Variants in DACH1 observed in about 807,000 individuals in gnomAD.
DACH1 encodes dachshund homolog 1.
Under a neutral mutation model 54.2 loss-of-function variants are expected in DACH1, and 12 were observed. The ratio of observed to expected loss-of-function variants is 0.22; its 90% CI spans 0.14 to 0.36. The LOEUF is 0.36. Among genes scored for constraint, DACH1 ranks in the 10% least tolerant of loss-of-function variants. The pLI is 1.00. For synonymous variants in DACH1, 386 were observed against 366.2 expected (o/e 1.05, Z -0.62); for missense variants, 805 against 929.8 (o/e 0.87, Z 1.75).
chr13:71,579,816 A>T (rs185922545), intron 3 of DACH1, among the ~76,000 whole-genome samples: 291 of 152,294 alleles, frequency 1.9e-3, no homozygotes, highest in South Asian at 4.6e-3. Flanking sequence ...CTATATCAGA[A>T]AACACTGGTT....
intron 2 of DACH1, among the ~76,000 whole-genome samples, chr13:71,630,919 T>C (rs928431997): frequency 3.3e-5 from 5 of 152,032 alleles, no homozygotes; most frequent in Admixed American, 1.3e-4. Flanking sequence ...CAGTCCAAAA[T>C]TAAATATTAA....
rs572290707 is a variant in DACH1 at position 71,856,536 on chromosome 13, T to C, written c.848+9386A>G. Among the ~76,000 whole-genome samples the C allele has an allele frequency of 9.9e-5, 15 of 152,120 alleles. No individual in the cohort carries two copies. In the South Asian group the frequency reaches 3.1e-3, roughly 31 times the overall value. On this transcript the variant is annotated intron_variant, in intron 1 of 10. Coordinates refer to ENST00000613252, the MANE Select transcript of DACH1 (RefSeq NM_080759.6). ...CTACCAGAAGATGCAAAAAGTAATG[T>C]GAAATACTTGTATTTATGTAAATAT... is the stretch of plus-strand genomic sequence containing the variant.
intron 2 of DACH1, among the ~76,000 whole-genome samples, chr13:71,665,119 A>G: frequency 6.6e-6 from 1 of 152,010 alleles, no homozygotes; most frequent in East Asian, 1.9e-4. Context: ...TAACACTACA[A>G]TGTGTTGAAC....
intron 10 of DACH1, among the ~76,000 whole-genome samples, chr13:71,452,636 C>A (rs915003961): frequency 2.0e-5 from 3 of 152,088 alleles, no homozygotes; most frequent in Non-Finnish European, 4.4e-5. Context: ...GAAGTTTATT[C>A]AAGTATTAGG....
chr13:71,585,302 A>T (rs1314980647), intron 3 of DACH1, among the ~76,000 whole-genome samples: 3 of 152,212 alleles, frequency 2.0e-5, no homozygotes, highest in Non-Finnish European at 4.4e-5. Flanking sequence ...ACATGTAAGC[A>T]TGTGTGTTGG....
intron 1 of DACH1, among the ~76,000 whole-genome samples, chr13:71,783,977 AAAAC>A (rs1432461811): frequency 1.3e-5 from 2 of 150,948 alleles, no homozygotes; most frequent in East Asian, 1.9e-4. Context: ...AAAAAAAAAA[AAAAC>A]AAAAAAAAAA....
chr13:71,722,755 T>C (rs1481207158), intron 1 of DACH1, among the ~76,000 whole-genome samples: 1 of 152,104 alleles, frequency 6.6e-6, no homozygotes, highest in African/African-American at 2.4e-5. Context: ...AGGTACAGGT[T>C]TCAGTTTTTA....
intron 2 of DACH1, among the ~76,000 whole-genome samples, chr13:71,649,718 AT>A (rs764088508): frequency 1.3e-5 from 2 of 152,234 alleles, no homozygotes; most frequent in Non-Finnish European, 2.9e-5. Context: ...CCACATTGTC[AT>A]TACATTACCT....
intron 1 of DACH1, among the ~76,000 whole-genome samples, chr13:71,720,414 G>T (rs1883179375): frequency 1.3e-5 from 2 of 152,044 alleles, no homozygotes; most frequent in South Asian, 4.1e-4. Flanking sequence ...AATATATATA[G>T]GTGTGTCAAG....
intron 2 of DACH1, among the ~76,000 whole-genome samples, chr13:71,631,682 T>A (rs1877112330): frequency 6.6e-6 from 1 of 152,176 alleles, no homozygotes; most frequent in Non-Finnish European, 1.5e-5. Context: ...TGGCACAGGA[T>A]TTGAAACAGC....
At chr13:71,616,731 G>A (rs1875795024) in intron 3 of DACH1, among the ~76,000 whole-genome samples, 1 of 151,946 alleles carries the variant, frequency 6.6e-6, no homozygotes, top group Non-Finnish European at 1.5e-5. Flanking sequence ...GTGAGATCCT[G>A]TCTCTAAAAT....
intron 10 of DACH1, among the ~76,000 whole-genome samples, chr13:71,456,809 C>T (rs965691204): frequency 4.6e-5 from 7 of 151,960 alleles, no homozygotes; most frequent in Admixed American, 4.6e-4. Context: ...TTGGTAGCAT[C>T]GTGGTGCCTG....
At chr13:71,476,191 G>T (rs1334918159) in intron 8 of DACH1, among the ~76,000 whole-genome samples, 1 of 152,092 alleles carries the variant, frequency 6.6e-6, no homozygotes, top group Non-Finnish European at 1.5e-5. Context: ...TTAGTTCTCT[G>T]TCCTTGAATC....
chr13:71,573,569 G>A, intron 3 of DACH1: 1 of 546,544 alleles, frequency 1.8e-6, no homozygotes, highest in Non-Finnish European at 3.3e-6. Flanking sequence ...AACCATCACT[G>A]CTGCCTGTGG....
chr13:71,586,637 C>A (rs781293371), intron 3 of DACH1, among the ~76,000 whole-genome samples: 1 of 151,786 alleles, frequency 6.6e-6, no homozygotes, highest in Middle Eastern at 3.5e-3. Flanking sequence ...ATCGTGTAGG[C>A]AATAATTTCC....
chr13:71,554,238 T>C (rs1258271119), intron 6 of DACH1, among the ~76,000 whole-genome samples: 1 of 152,034 alleles, frequency 6.6e-6, no homozygotes, highest in Non-Finnish European at 1.5e-5. Context: ...TAAAAGAAGG[T>C]ACACACAAGA....
At chr13:71,796,350 C>A (rs567006092) in intron 1 of DACH1, among the ~76,000 whole-genome samples, 1 of 152,156 alleles carries the variant, frequency 6.6e-6, no homozygotes, top group African/African-American at 2.4e-5. Context: ...AAACTATAAG[C>A]AGATAAACCT....
intron 1 of DACH1, among the ~76,000 whole-genome samples, chr13:71,848,475 GCTTTGTAAGCT>G (rs1429345224): frequency 6.6e-6 from 1 of 152,002 alleles, no homozygotes; most frequent in Non-Finnish European, 1.5e-5. Context: ...TTTTCTTCGT[GCTTTGTAAGCT>G]CTTCTGGTAA....
intron 1 of DACH1, among the ~76,000 whole-genome samples, chr13:71,857,013 C>A (rs1874045490): frequency 6.6e-6 from 1 of 151,662 alleles, no homozygotes; most frequent in African/African-American, 2.4e-5. Context: ...GCTCTAAGTG[C>A]AAGAAGCAAT....
Sources: allele counts gnomAD v4.1 joint callset (sites outside exome capture counted in the v4.1 genomes callset), GRCh38; gene constraint gnomAD v4.1.1; transcripts MANE v1.5; gene names NCBI Gene and HGNC (gene_info 2026-07-23, HGNC 2026-07-21).